Variants in FAM241A observed in about 807,000 individuals in gnomAD.
FAM241A encodes the protein family with sequence similarity 241 member A, also known as uncharacterized protein FAM241A.
FAM241A carries 7 observed loss-of-function variants against 12.2 expected under a neutral mutation model. The observed-to-expected ratio is 0.58, with a 90% CI of 0.33 to 1.08. FAM241A has a LOEUF of 1.08. FAM241A is among the 50% of genes least tolerant of loss of function. The probability of loss-of-function intolerance (pLI) is 0.04; values close to 1 mark genes in which losing one functional copy is unlikely to be tolerated. For synonymous variants in FAM241A, 74 were observed against 68.2 expected, an observed-to-expected ratio of 1.08 and a Z score of -0.42; for missense variants, 161 against 169.7, an observed-to-expected ratio of 0.95 and a Z score of 0.29.
intron 1 of FAM241A, among the ~76,000 whole-genome samples, chr4:112,182,618 A>G (rs930519882): frequency 2.6e-5 from 4 of 152,136 alleles, no homozygotes; most frequent in Non-Finnish European, 4.4e-5. Context: ...TCTTATTCCT[A>G]CAGTGAAGTG....
chr4:112,176,605 G>A (rs894824842), intron 1 of FAM241A, among the ~76,000 whole-genome samples: 10 of 152,122 alleles, frequency 6.6e-5, no homozygotes, highest in African/African-American at 1.9e-4. Context: ...TATCTTTGAA[G>A]ATGCTTCTCA....
intron 1 of FAM241A, among the ~76,000 whole-genome samples, chr4:112,176,476 A>G (rs1163755076): frequency 1.3e-5 from 2 of 152,256 alleles, no homozygotes; most frequent in East Asian, 3.8e-4. Context: ...CAGCTGATAC[A>G]TGACGGAGCA....
At chr4:112,179,094 G>A (rs1156447786) in intron 1 of FAM241A, among the ~76,000 whole-genome samples, 1 of 152,094 alleles carries the variant, frequency 6.6e-6, no homozygotes, top group Non-Finnish European at 1.5e-5. Flanking sequence ...ACACTCTGAT[G>A]TAGTTTCTTT....
chr4:112,152,148 T>C (rs1723256453), intron 1 of FAM241A, among the ~76,000 whole-genome samples: 2 of 152,202 alleles, frequency 1.3e-5, no homozygotes, highest in South Asian at 4.1e-4. Flanking sequence ...TTGTTCATTT[T>C]TTTAAATCAT....
At chr4:112,158,414 C>T (rs971216368) in intron 1 of FAM241A, among the ~76,000 whole-genome samples, 2 of 152,030 alleles carry the variant, frequency 1.3e-5, no homozygotes, top group African/African-American at 4.8e-5. Context: ...CTAGCATATA[C>T]TTTCTTGATA....
At position 112,194,157 on chromosome 4, in the gene FAM241A, A is replaced by T. The variant is rs1285548762; in HGVS notation, c.*7219A>T. The T allele has an allele frequency of 8.8e-5, 12 of 136,682 alleles. No homozygotes were observed. The highest frequency in any genetic ancestry group is 3.7e-3 in the Middle Eastern group (1 of 272). 8.5% of individuals were successfully genotyped at this position (136,682 alleles called of 1,614,324 possible). On this transcript the variant is annotated 3_prime_UTR_variant, in exon 2 of 2. Coordinates refer to ENST00000309733, the MANE Select transcript of FAM241A (RefSeq NM_152400.3). ...TGATTTGGCTCTCTGTTTGTCTGTT[A>T]TTGGTGTATAAGAATGCTTGTGATT...
intron 1 of FAM241A, among the ~76,000 whole-genome samples, chr4:112,183,617 T>C (rs1346244071): frequency 6.6e-6 from 1 of 151,074 alleles, no homozygotes; most frequent in African/African-American, 2.4e-5. Context: ...AAAAAAAGTC[T>C]TAAAAAGCTT....
chr4:112,189,735 G>A lies in FAM241A; in HGVS notation c.*2797G>A, dbSNP rs1724126460. Reference sequence around the variant, plus strand: ...GGAGCAAGCTTGCACTGGCTTACAAGAGCCAACTGTGAACATTTTTTCTGC... The same window carrying A: ...GGAGCAAGCTTGCACTGGCTTACAAAAGCCAACTGTGAACATTTTTTCTGC... On this transcript the variant is annotated 3_prime_UTR_variant, in exon 2 of 2. Transcript: ENST00000309733. 6.6e-6 allele frequency: 1 copy of A among 152,150 alleles called. No homozygotes were observed. Among genetic ancestry groups the A allele is most frequent in the Non-Finnish European group, 1.5e-5 (1 of 68,044 alleles). The allele number at this position is 152,150 out of a possible 1,614,324, so 9.4% of individuals were successfully genotyped here.
Position 112,193,723 on chromosome 4 carries a change from C to G in FAM241A, c.*6785C>G, listed in dbSNP as rs1020015264. On this transcript the variant is annotated 3_prime_UTR_variant, in exon 2 of 2. Coordinates refer to ENST00000309733, the MANE Select transcript of FAM241A (RefSeq NM_152400.3). ...TTGATCTATATCTCTGTTTTGGTAC[C>G]AGTACCATGCTGTTTTGGTTATTGT... is the stretch of plus-strand genomic sequence containing the variant. 4.6e-5 allele frequency: 7 copies of G among 152,100 alleles called. No homozygotes were observed. The highest frequency in any genetic ancestry group is 1.4e-4 in the African/African-American group (6 of 41,384). The allele number at this position is 152,100 out of a possible 1,614,324, so 9.4% of individuals were successfully genotyped here.
rs1461463784 is a variant in FAM241A, at chr4:112,174,608, A to G, written c.154-12085A>G. Among the ~76,000 whole-genome samples, 8 of 152,222 alleles carry G rather than the reference A, an allele frequency of 5.3e-5. 1 individual carries two copies. Among genetic ancestry groups the G allele is most frequent in the Admixed American group, 4.6e-4 (7 of 15,284 alleles). ...TATTACTAGTGGCACCGTCAAAACA[A>G]CACAGCAGCCAGAAGTTTTAAAGAG... On this transcript the variant is annotated intron_variant, in intron 1 of 1. Transcript: ENST00000309733.
chr4:112,152,199 C>A (rs567983355), intron 1 of FAM241A, among the ~76,000 whole-genome samples: 1 of 152,164 alleles, frequency 6.6e-6, no homozygotes, highest in African/African-American at 2.4e-5. Context: ...CAACTGGGGG[C>A]CTTTTGTCCA....
intron 1 of FAM241A, among the ~76,000 whole-genome samples, chr4:112,179,373 C>T (rs1478355459): frequency 1.3e-5 from 2 of 152,240 alleles, no homozygotes; most frequent in Admixed American, 1.3e-4. Flanking sequence ...GAGTACTATG[C>T]AGCCATAAAA....
chr4:112,165,158 A>G (rs1049746955), intron 1 of FAM241A, among the ~76,000 whole-genome samples: 21 of 152,330 alleles, frequency 1.4e-4, no homozygotes, highest in Admixed American at 3.9e-4. Flanking sequence ...AAAGATGCTC[A>G]ACATCACTGA....
At chr4:112,185,430 C>CT (rs1257210631) in intron 1 of FAM241A, among the ~76,000 whole-genome samples, 1 of 152,156 alleles carries the variant, frequency 6.6e-6, no homozygotes, top group African/African-American at 2.4e-5. Context: ...ATCAGAAACT[C>CT]TAGTAGTAGG....
At chr4:112,186,575 TA>T (rs1386155742) in intron 1 of FAM241A, 117 bp from the exon 2 acceptor site, 1 of 903,486 alleles carries the variant, frequency 1.1e-6, no homozygotes, top group Non-Finnish European at 1.7e-6. Flanking sequence ...CAGGTACTTG[TA>T]GAATAATTAT....
At chr4:112,153,983 A>C (rs1016600731) in intron 1 of FAM241A, among the ~76,000 whole-genome samples, 1 of 152,168 alleles carries the variant, frequency 6.6e-6, no homozygotes, top group East Asian at 1.9e-4. Flanking sequence ...TTAATCCAAA[A>C]TAATTTAATT....
intron 1 of FAM241A, among the ~76,000 whole-genome samples, chr4:112,164,217 A>G (rs1723544767): frequency 1.3e-5 from 2 of 151,886 alleles, no homozygotes; most frequent in Non-Finnish European, 1.5e-5. Flanking sequence ...TACATGTGTA[A>G]CAAACCTACA....
intron 1 of FAM241A, among the ~76,000 whole-genome samples, chr4:112,170,153 A>G (rs912554091): frequency 1.2e-4 from 19 of 152,128 alleles, no homozygotes; most frequent in African/African-American, 4.1e-4. Context: ...TTTAAAATTA[A>G]GTTATCTATA....
rs373083771 is a variant in FAM241A, at chr4:112,152,594, T to C, written c.153+6861T>C. On this transcript the variant is annotated intron_variant, in intron 1 of 1. Coordinates refer to ENST00000309733, the MANE Select transcript of FAM241A (RefSeq NM_152400.3). ...CTCACACATTCCTTTTCTGCCTTTC[T>C]TTCCTACCACCCATCTCCTTTCTGT... 1.1e-4 allele frequency among the ~76,000 whole-genome samples: 17 copies of C among 152,312 alleles called. No individual in the cohort carries two copies. The East Asian group carries it at 3.1e-3, about 28-fold the overall frequency.
Sources: gnomAD v4.1 joint callset for allele counts (sites outside exome capture counted in the v4.1 genomes callset) on GRCh38, gnomAD v4.1.1 for gene constraint, MANE v1.5 for transcripts, NCBI Gene and HGNC (gene_info 2026-07-23, HGNC 2026-07-21) for gene names.